The following NSMCE2 variants were observed in gnomAD, a reference collection of about 807,000 sequenced individuals.
The protein encoded by NSMCE2 is E3 SUMO-protein ligase NSE2.
Under a neutral mutation model 23.8 loss-of-function variants are expected in NSMCE2, and 24 were observed. The ratio of observed to expected loss-of-function variants is 1.01; its 90% confidence interval spans 0.73 to 1.42. The LOEUF (loss-of-function observed/expected upper bound fraction) is 1.42, where lower values mean the gene tolerates loss of function less well. Ranked by LOEUF, NSMCE2 falls within the 40% of genes most tolerant of loss-of-function variation. The pLI is 0.00. For synonymous variants in NSMCE2, 92 were observed against 94.1 expected (o/e 0.98, Z 0.13); for missense variants, 284 against 296.5 (o/e 0.96, Z 0.31).
At chr8:125,359,915 A>G (rs538991697) in intron 7 of NSMCE2, among the ~76,000 whole-genome samples, 1 of 152,278 alleles carries the variant, frequency 6.6e-6, no homozygotes, top group Admixed American at 6.5e-5. Context: ...TCCAATAGCA[A>G]TGCAGAGATG....
chr8:125,112,427 A>G (rs1363894224), intron 3 of NSMCE2, among the ~76,000 whole-genome samples: 1 of 152,252 alleles, frequency 6.6e-6, no homozygotes. Context: ...TCAAAGAGAT[A>G]TCTGCCTTCT....
At chr8:125,226,309 C>G (rs556626238) in intron 5 of NSMCE2, among the ~76,000 whole-genome samples, 2 of 152,212 alleles carry the variant, frequency 1.3e-5, no homozygotes, top group South Asian at 4.1e-4. Flanking sequence ...AGAAATTCAC[C>G]AGGAAAGGAA....
chr8:125,310,027 C>G (rs1290341194), intron 5 of NSMCE2, among the ~76,000 whole-genome samples: 1 of 152,136 alleles, frequency 6.6e-6, no homozygotes, highest in East Asian at 1.9e-4. Context: ...ATGGGGGGAC[C>G]CTCATCCTAG....
intron 4 of NSMCE2, among the ~76,000 whole-genome samples, chr8:125,180,277 T>C (rs1458158566): frequency 6.6e-6 from 1 of 152,224 alleles, no homozygotes; most frequent in Non-Finnish European, 1.5e-5. Context: ...GTACTTCTGT[T>C]AAATCCTTAA....
intron 5 of NSMCE2, among the ~76,000 whole-genome samples, chr8:125,185,818 A>G (rs947051531): frequency 6.6e-6 from 1 of 152,232 alleles, no homozygotes; most frequent in Admixed American, 6.5e-5. Flanking sequence ...GAAGAGTGGC[A>G]TTCTTTTACA....
chr8:125,348,555 C>T (rs1016385824), intron 5 of NSMCE2: 9 of 152,120 alleles, frequency 5.9e-5, no homozygotes, highest in African/African-American at 9.7e-5. Flanking sequence ...ATAATTCCCA[C>T]GTGTTGTGAG....
In NSMCE2 at chr8:125,272,826, C is replaced by CAT. The variant is rs549916341; in HGVS notation, c.419-84385_419-84384dup. Among the ~76,000 whole-genome samples, 2 of 97,482 alleles carry CAT rather than the reference C, an allele frequency of 2.1e-5. 1 individual carries two copies. The highest frequency in any genetic ancestry group is 4.1e-5 in the Non-Finnish European group (2 of 49,332). 64.0% of individuals were successfully genotyped at this position (97,482 alleles called of 152,430 possible). A position where few individuals can be genotyped will look rare whatever the true frequency, so the allele number is the denominator to read the frequency against. On this transcript the variant is annotated intron_variant, in intron 5 of 7. Transcript: ENST00000287437. ...ATATACACACACGTATATATATACA[C>CAT]ATATATATACACACGTATATACACA...
At chr8:125,238,204 A>T (rs988399953) in intron 5 of NSMCE2, among the ~76,000 whole-genome samples, 4 of 152,154 alleles carry the variant, frequency 2.6e-5, no homozygotes, top group Admixed American at 2.6e-4. Flanking sequence ...GATTTCAACA[A>T]GATTAAGGAT....
At chr8:125,226,024 C>T (rs1193030492) in intron 5 of NSMCE2, among the ~76,000 whole-genome samples, 2 of 152,172 alleles carry the variant, frequency 1.3e-5, no homozygotes, top group African/African-American at 4.8e-5. Context: ...TAACACTTAA[C>T]AATTATTTAC....
At chr8:125,125,787 A>C (rs1021864615) in intron 3 of NSMCE2, among the ~76,000 whole-genome samples, 1 of 152,220 alleles carries the variant, frequency 6.6e-6, no homozygotes, top group African/African-American at 2.4e-5. Flanking sequence ...AAAGGTCTTT[A>C]TCACTTGTTG....
chr8:125,357,203 C>G lies in NSMCE2; in HGVS notation c.419-16C>G, dbSNP rs1813319133. The G allele has an allele frequency of 1.3e-6, 2 of 1,519,994 alleles. No homozygotes were observed. 94.2% of individuals were successfully genotyped at this position (1,519,994 alleles called of 1,614,324 possible). On this transcript the variant is annotated splice_polypyrimidine_tract_variant and intron_variant, in intron 5 of 7. Transcript: ENST00000287437. ...GTTAGACCAGAGAGGCTTATCAACT[C>G]TCCATTTTCCTCTAGGTGGTCTTCA... is the stretch of plus-strand genomic sequence containing the variant.
chr8:125,285,286 G>A (rs1314616421), intron 5 of NSMCE2, among the ~76,000 whole-genome samples: 8 of 152,020 alleles, frequency 5.3e-5, no homozygotes, highest in Non-Finnish European at 8.8e-5. Flanking sequence ...AAGTCACATC[G>A]ACACAAGAAA....
At chr8:125,176,730 A>T (rs940697559) in intron 4 of NSMCE2, among the ~76,000 whole-genome samples, 1 of 152,226 alleles carries the variant, frequency 6.6e-6, no homozygotes, top group African/African-American at 2.4e-5. Context: ...GACACTATAC[A>T]TTGTCTTAAA....
chr8:125,134,488 G>T (rs1295125564), intron 3 of NSMCE2, among the ~76,000 whole-genome samples: 1 of 152,124 alleles, frequency 6.6e-6, no homozygotes, highest in East Asian at 1.9e-4. Context: ...GTATCTTATA[G>T]TGGTTTTAAT....
chr8:125,155,397 A>G (rs1441132955), intron 4 of NSMCE2, among the ~76,000 whole-genome samples: 4 of 152,186 alleles, frequency 2.6e-5, no homozygotes, highest in Admixed American at 2.6e-4. Flanking sequence ...ATCAATCCAA[A>G]GACTTATTGT....
At chr8:125,111,487 G>T (rs544273833) in intron 3 of NSMCE2, among the ~76,000 whole-genome samples, 4 of 152,166 alleles carry the variant, frequency 2.6e-5, no homozygotes, top group Middle Eastern at 3.2e-3. Flanking sequence ...TAAGCATTTT[G>T]CTTAAACCTT....
At chr8:125,101,549 G>T (rs1818190082) in intron 1 of NSMCE2, among the ~76,000 whole-genome samples, 1 of 151,882 alleles carries the variant, frequency 6.6e-6, no homozygotes. Flanking sequence ...CTTTAAAACT[G>T]TGAATTCTCC....
At chr8:125,284,387 A>G (rs1586718212) in intron 5 of NSMCE2, among the ~76,000 whole-genome samples, 1 of 152,068 alleles carries the variant, frequency 6.6e-6, no homozygotes, top group South Asian at 2.1e-4. Context: ...AGAAGGAGGG[A>G]TTCTAGCGGA....
chr8:125,344,464 C>A (rs1281398375), intron 5 of NSMCE2, among the ~76,000 whole-genome samples: 1 of 152,136 alleles, frequency 6.6e-6, no homozygotes, highest in Non-Finnish European at 1.5e-5. Flanking sequence ...TGAATCATGG[C>A]CGGTCACGGT....
Sources: allele counts gnomAD v4.1 joint callset (sites outside exome capture counted in the v4.1 genomes callset), GRCh38; gene constraint gnomAD v4.1.1; transcripts MANE v1.5; gene names NCBI Gene and HGNC (gene_info 2026-07-23, HGNC 2026-07-21).